SDK2: variants seen among roughly 807,000 people sequenced by gnomAD.
The protein encoded by SDK2 is sidekick cell adhesion molecule 2.
Under a neutral mutation model 253.9 loss-of-function variants are expected in SDK2, and 105 were observed. That is an observed-to-expected ratio of 0.41 (90% CI 0.35 to 0.49). SDK2 has a LOEUF of 0.49. SDK2 is among the 20% of genes least tolerant of loss of function. The pLI is 0.06. For missense variants in SDK2, 2,608 were observed against 3,003.0 expected (o/e 0.87, Z 3.07); for synonymous variants, 1,249 against 1,234.9 (o/e 1.01, Z -0.24).
rs892657172 is a variant in SDK2, at chr17:73,423,923, G to C, written c.1753C>G (p.Arg585Gly). 5.1e-6 allele frequency: 8 copies of C among 1,573,876 alleles called. No homozygotes were observed. The East Asian group carries it at 9.3e-5, about 18-fold the overall frequency. The change falls in exon 13 of 45, where the codon CGA (arginine) becomes GGA (glycine). Residue 585 changes from arginine to glycine, a missense_variant. Arg to Gly is a moderately radical substitution (Grantham distance 125). Transcript: ENST00000392650. The part of the protein sequence containing the change: ...GGNDSRSAHL[R>G]VRQLPHAPEH... ...TGGGAGGGCTGCCCTTACCTGACTCGCAGGTGGGCACTGCGAGAGTCGTTG... is the reference window on the plus strand; with the variant it reads ...TGGGAGGGCTGCCCTTACCTGACTCCCAGGTGGGCACTGCGAGAGTCGTTG...
Position 73,407,388 on chromosome 17 carries a change from C to T in SDK2, c.2485-5247G>A, listed in dbSNP as rs117652688. ...GGGTCCATTTGTACCACTGAACTGG[C>T]AGCACCCAGTACCATTTAAGAAGCA... On this transcript the variant is annotated intron_variant, in intron 18 of 44. Coordinates refer to ENST00000392650, the MANE Select transcript of SDK2 (RefSeq NM_001144952.2). 3.4e-3 allele frequency among the ~76,000 whole-genome samples: 523 copies of T among 152,204 alleles called. 17 individuals are homozygous for T. In the East Asian group the frequency reaches 0.057, roughly 17 times the overall value.
At chr17:73,371,482 G>A (rs1390372511) in intron 36 of SDK2, among the ~76,000 whole-genome samples, 1 of 152,168 alleles carries the variant, frequency 6.6e-6, no homozygotes, top group African/African-American at 2.4e-5. Context: ...CTCGATATGA[G>A]CAACATGGGA....
intron 3 of SDK2, among the ~76,000 whole-genome samples, chr17:73,466,990 G>C (rs1257017303): frequency 6.6e-6 from 1 of 152,114 alleles, no homozygotes; most frequent in Non-Finnish European, 1.5e-5. Flanking sequence ...GTTATTTCAG[G>C]CACAAGGGCC....
In SDK2 at chr17:73,541,999, C is replaced by T. The variant is rs746573342; in HGVS notation, c.65-34402G>A. ...AATGGCATCTCTTTTACAGGAGTGT[C>T]GCGACAAGGATTAAATAAAACAGCA... On this transcript the variant is annotated intron_variant, in intron 1 of 44. Coordinates refer to ENST00000392650, the MANE Select transcript of SDK2 (RefSeq NM_001144952.2). The surrounding 1 kb of genome is among the most constrained non-coding windows in gnomAD (Gnocchi z 4.3). 3.9e-5 allele frequency among the ~76,000 whole-genome samples: 6 copies of T among 152,132 alleles called. No homozygotes were observed. Among genetic ancestry groups the T allele is most frequent in the Non-Finnish European group, 7.3e-5 (5 of 68,030 alleles).
chr17:73,589,465 T>C (rs1468837894), intron 1 of SDK2, among the ~76,000 whole-genome samples: 2 of 152,034 alleles, frequency 1.3e-5, no homozygotes, highest in Non-Finnish European at 2.9e-5. Context: ...GGCCTTGGAG[T>C]TGGACAGATG....
chr17:73,555,205 G>A (rs1312546231), intron 1 of SDK2, among the ~76,000 whole-genome samples: 1 of 152,258 alleles, frequency 6.6e-6, no homozygotes, highest in African/African-American at 2.4e-5. Context: ...TAACCAGAGA[G>A]AGCAGGAGTA....
chr17:73,415,878 C>T lies in SDK2; in HGVS notation c.2301G>A (p.Val767=). Residue 767 remains valine, a synonymous_variant, in exon 17 of 45, where the codon GTG becomes GTA. Coordinates refer to ENST00000392650, the MANE Select transcript of SDK2 (RefSeq NM_001144952.2). The part of the protein sequence containing the change: ...LIIWTNYEIE[V]AAYNSAGLGV... ...CCAGCCCAGCGCTGTTGTAAGCAGC[C>T]ACCTCGATCTCGTAGTTGGTCCAAA... is the stretch of plus-strand genomic sequence containing the variant. 6.3e-7 allele frequency: 1 copy of T among 1,585,444 alleles called. No individual in the cohort carries two copies.
chr17:73,548,317 G>A (rs2044998819), intron 1 of SDK2, among the ~76,000 whole-genome samples: 1 of 152,196 alleles, frequency 6.6e-6, no homozygotes, highest in Non-Finnish European at 1.5e-5. Context: ...GCTGTTGGGA[G>A]AGAGAGGATT....
chr17:73,546,002 T>C (rs1219688985), intron 1 of SDK2, among the ~76,000 whole-genome samples: 1 of 150,854 alleles, frequency 6.6e-6, no homozygotes, highest in African/African-American at 2.4e-5. Context: ...AATCCCTACA[T>C]AGACTCAGAC....
rs183581234 is a variant in SDK2 at position 73,372,840 on chromosome 17, T to G, written c.4981-4247A>C. Among the ~76,000 whole-genome samples the G allele has an allele frequency of 2.0e-5, 3 of 152,364 alleles. No homozygotes were observed. In the East Asian group the frequency reaches 5.8e-4, roughly 29 times the overall value. On this transcript the variant is annotated intron_variant, in intron 36 of 44. Transcript: ENST00000392650. ...ATGGTGTTCTGATATACACATGCAT[T>G]ATGAAATGATTACCACAATCAAGCT...
chr17:73,383,842 C>T lies in SDK2; in HGVS notation c.4705+34G>A, dbSNP rs2062850948. ...GAAGGTGAGGGTGACCGCCCCCATCCCACCCATTCCTCTGGCTCCCAAGTG... is the reference window on the plus strand; with the variant it reads ...GAAGGTGAGGGTGACCGCCCCCATCTCACCCATTCCTCTGGCTCCCAAGTG... On this transcript the variant is annotated intron_variant, in intron 33 of 44. Coordinates refer to ENST00000392650, the MANE Select transcript of SDK2 (RefSeq NM_001144952.2). The surrounding 1 kb of genome is among the most constrained non-coding windows in gnomAD (Gnocchi z 4.3). The T allele has an allele frequency of 6.2e-7, 1 of 1,611,328 alleles. No individual in the cohort carries two copies.
At chr17:73,411,442 C>G (rs1481857063) in intron 18 of SDK2, among the ~76,000 whole-genome samples, 2 of 152,098 alleles carry the variant, frequency 1.3e-5, no homozygotes, top group Non-Finnish European at 2.9e-5. Context: ...CATGCGTTCC[C>G]TGGACTGAAG....
chr17:73,546,272 A>C (rs1417368461), intron 1 of SDK2, among the ~76,000 whole-genome samples: 1 of 152,184 alleles, frequency 6.6e-6, no homozygotes, highest in Non-Finnish European at 1.5e-5. Flanking sequence ...GAAAGAATCA[A>C]TTAGTTCATT....
At position 73,488,054 on chromosome 17, in the gene SDK2, C is replaced by T. The variant is rs193223281; in HGVS notation, c.225-15836G>A. Among the ~76,000 whole-genome samples, 70 of 152,092 alleles carry T rather than the reference C, an allele frequency of 4.6e-4. 1 individual carries two copies. The South Asian group carries it at 8.7e-3, about 19-fold the overall frequency. On this transcript the variant is annotated intron_variant, in intron 2 of 44. Coordinates refer to ENST00000392650, the MANE Select transcript of SDK2 (RefSeq NM_001144952.2). ...TTTTTGAGACGGAGCCTTGCTCTGT[C>T]GCCCAGGCTGGAGTGCAGTGGCGCG...
intron 18 of SDK2, among the ~76,000 whole-genome samples, chr17:73,410,928 G>A (rs1293677894): frequency 2.6e-5 from 4 of 152,174 alleles, no homozygotes; most frequent in African/African-American, 9.7e-5. Context: ...CCTCGGGGGA[G>A]CTGTTTGCCT....
rs1338666982 is a variant in SDK2, at chr17:73,431,469, A to G, written c.1480+33T>C. 1 of 1,587,994 alleles carries G rather than the reference A, an allele frequency of 6.3e-7. No homozygotes were observed. Among genetic ancestry groups the G allele is most frequent in the Admixed American group, 1.8e-5 (1 of 55,562 alleles). On this transcript the variant is annotated intron_variant, in intron 11 of 44. Transcript: ENST00000392650. The surrounding 1 kb of genome is among the most constrained non-coding windows in gnomAD (Gnocchi z 5.6). ...ACAGGGATGTACACACGCACACACAAATGTATAAAGCCCTGTGGCTCTGCA... is the reference window on the plus strand; with the variant it reads ...ACAGGGATGTACACACGCACACACAGATGTATAAAGCCCTGTGGCTCTGCA...
intron 1 of SDK2, among the ~76,000 whole-genome samples, chr17:73,600,568 A>G (rs1468065137): frequency 6.6e-6 from 1 of 152,008 alleles, no homozygotes; most frequent in Non-Finnish European, 1.5e-5. Context: ...TAGCTCCCCA[A>G]GTGACTCCGA....
intron 1 of SDK2, among the ~76,000 whole-genome samples, chr17:73,521,762 G>GA (rs770393520): frequency 6.6e-6 from 1 of 151,836 alleles, no homozygotes; most frequent in Non-Finnish European, 1.5e-5. Context: ...TCGAGACAGA[G>GA]TCAACACCTG....
At chr17:73,587,632 C>A (rs950669836) in intron 1 of SDK2, among the ~76,000 whole-genome samples, 64 of 152,292 alleles carry the variant, frequency 4.2e-4, no homozygotes, top group African/African-American at 1.5e-3. Context: ...CCATTCAGAG[C>A]CGAGCTCCGC....
Sources: gnomAD v4.1 joint callset for allele counts (sites outside exome capture counted in the v4.1 genomes callset) on GRCh38, gnomAD v4.1.1 for gene constraint, Gnocchi (gnomAD v3.1) non-coding constraint, MANE v1.5 for transcripts, NCBI Gene and HGNC (gene_info 2026-07-23, HGNC 2026-07-21) for gene names.